The following IER5 variants were observed in gnomAD, a reference collection of about 807,000 sequenced individuals.
The protein encoded by IER5 is immediate early response gene 5 protein.
A neutral mutation model predicts 8.2 loss-of-function variants in IER5; 3 were observed. The ratio of observed to expected loss-of-function variants is 0.36; its 90% CI spans 0.17 to 0.94. IER5 has a LOEUF of 0.94. IER5 is among the 40% of genes least tolerant of loss of function. The pLI is 0.43. For synonymous variants in IER5, 286 were observed against 230.1 expected (o/e 1.24, Z -2.20); for missense variants, 531 against 494.3 (o/e 1.07, Z -0.70).
In IER5 at chr1:181,090,115, A is replaced by G. The variant is rs1428489173; in HGVS notation, c.*229A>G. Reference sequence around the variant, plus strand: ...CGATCGTTAACTTTTGTGTTTGTGTATGTCTGTGTATGTAAGTTTGTCTTG... The same window carrying G: ...CGATCGTTAACTTTTGTGTTTGTGTGTGTCTGTGTATGTAAGTTTGTCTTG... On this transcript the variant is annotated 3_prime_UTR_variant, in exon 1 of 1. Transcript: ENST00000367577. The G allele has an allele frequency of 3.3e-6, 2 of 603,794 alleles. No homozygotes were observed. The highest frequency in any genetic ancestry group is 5.7e-5 in the East Asian group (2 of 34,992). The allele number at this position is 603,794 out of a possible 1,614,324, so 37.4% of individuals were successfully genotyped here. A position where few individuals can be genotyped will look rare whatever the true frequency, so the allele number is the denominator to read the frequency against.
Position 181,089,029 on chromosome 1 carries a change from G to C in IER5, c.127G>C (p.Ala43Pro). Reference protein sequence around the residue: ...NLLVSLVLRSARQVYLSDPCP... With the variant: ...NLLVSLVLRSPRQVYLSDPCP... ...CCTGGTCTCGCTGGTGCTGCGCAGC[G>C]CCCGCCAAGTCTACCTGAGCGACCC... The change falls in exon 1 of 1, where the codon GCC (alanine) becomes CCC (proline). Residue 43 changes from alanine (A) to proline (P), a missense_variant. By Grantham distance (27) the Ala-to-Pro change is conservative (BLOSUM62 -1). Transcript: ENST00000367577. The C allele has an allele frequency of 1.2e-6, 2 of 1,607,482 alleles. No individual in the cohort carries two copies. Among genetic ancestry groups the C allele is most frequent in the East Asian group, 2.3e-5 (1 of 44,124 alleles).
Position 181,090,287 on chromosome 1 carries a change from C to T in IER5, c.*401C>T, listed in dbSNP as rs1235184259. 1 of 235,332 alleles carries T rather than the reference C, an allele frequency of 4.2e-6. No homozygotes were observed. The highest frequency in any genetic ancestry group is 9.1e-6 in the Non-Finnish European group (1 of 110,174). 14.6% of individuals were successfully genotyped at this position (235,332 alleles called of 1,614,324 possible). ...TGGGCCGGGGAGTTCCCCATTCGTT[C>T]TCCGGGGAGGGAGGGACTTTACACC... On this transcript the variant is annotated 3_prime_UTR_variant, in exon 1 of 1. Transcript: ENST00000367577.
rs6425663 is a variant in IER5, at chr1:181,088,738, T to G, written c.-165T>G. On this transcript the variant is annotated 5_prime_UTR_variant, in exon 1 of 1. Transcript: ENST00000367577. ...ACCCGAAACGGGGAAGTTGTCTTGT[T>G]TGGAGAGGTTAGTAGAGCAGCGCGC... is the stretch of plus-strand genomic sequence containing the variant. The G allele has an allele frequency of 0.64, 361,530 of 561,758 alleles. 121,542 individuals are homozygous for G. The highest frequency in any genetic ancestry group is 0.9 in the East Asian group (22,392 of 24,802). The allele number at this position is 561,758 out of a possible 1,614,324, so 34.8% of individuals were successfully genotyped here.
In IER5 at chr1:181,089,413, G is replaced by T. The variant is rs1659411441; in HGVS notation, c.511G>T (p.Ala171Ser). The T allele has an allele frequency of 7.1e-7, 1 of 1,415,966 alleles. No homozygotes were observed. The highest frequency in any genetic ancestry group is 9.2e-7 in the Non-Finnish European group (1 of 1,082,914). 87.7% of individuals were successfully genotyped at this position (1,415,966 alleles called of 1,614,324 possible). A position where few individuals can be genotyped will look rare whatever the true frequency, so the allele number is the denominator to read the frequency against. The part of the protein sequence containing the change: ...GWGVFPEVSR[A>S]ARRPCGCPLG... ...GGGCGTCTTCCCCGAGGTATCTCGT[G>T]CCGCGCGCCGCCCCTGCGGCTGCCC... is the stretch of plus-strand genomic sequence containing the variant. The change falls in exon 1 of 1, where the codon GCC becomes TCC. Residue 171 changes from alanine (A) to serine (S), a missense_variant. Coordinates refer to ENST00000367577, the MANE Select transcript of IER5 (RefSeq NM_016545.5).
rs1361892850 is a variant in IER5 at position 181,089,309 on chromosome 1, C to G, written c.407C>G (p.Ala136Gly). 3.3e-5 allele frequency: 51 copies of G among 1,551,300 alleles called. No homozygotes were observed. The highest frequency in any genetic ancestry group is 4.3e-5 in the Non-Finnish European group (49 of 1,151,738). Residue 136 changes from alanine to glycine, a missense_variant, in exon 1 of 1, where the codon GCG becomes GGG. Coordinates refer to ENST00000367577, the MANE Select transcript of IER5 (RefSeq NM_016545.5). ...GTTTTTCAGGGCGGAGAGGCGGACG[C>G]GACGGAAGCTGCCTGGAGCCGCGTG... ...GDVFQGGEADATEAAWSRVEG... is the reference protein window; with the variant it reads ...GDVFQGGEADGTEAAWSRVEG...
At position 181,090,031 on chromosome 1, in the gene IER5, C is replaced by T; in HGVS notation, c.*145C>T. The T allele has an allele frequency of 9.9e-7, 1 of 1,006,066 alleles. No homozygotes were observed. Among genetic ancestry groups the T allele is most frequent in the South Asian group, 1.6e-5 (1 of 64,110 alleles). The allele number at this position is 1,006,066 out of a possible 1,614,324, so 62.3% of individuals were successfully genotyped here. ...GGTTGCCTCTGGGCATCGCAAACTGCCCCCGGGCGCATCTGGCTTATCTGG... is the reference window on the plus strand; with the variant it reads ...GGTTGCCTCTGGGCATCGCAAACTGTCCCCGGGCGCATCTGGCTTATCTGG... On this transcript the variant is annotated 3_prime_UTR_variant, in exon 1 of 1. Coordinates refer to ENST00000367577, the MANE Select transcript of IER5 (RefSeq NM_016545.5).
chr1:181,089,613 C>G lies in IER5; in HGVS notation c.711C>G (p.Thr237=), dbSNP rs1343747087. The G allele has an allele frequency of 6.2e-7, 1 of 1,610,658 alleles. No individual in the cohort carries two copies. The highest frequency in any genetic ancestry group is 8.5e-7 in the Non-Finnish European group (1 of 1,179,262). ...CGGGCTGCCCGGCGCCCGGCTCGACCCCGCTCAAGAAGCCCCGCCGGAACT... is the reference window on the plus strand; with the variant it reads ...CGGGCTGCCCGGCGCCCGGCTCGACGCCGCTCAAGAAGCCCCGCCGGAACT... ...GPAGCPAPGS[T]PLKKPRRNLE... Residue 237 remains threonine (T), a synonymous_variant, in exon 1 of 1, where the codon ACC becomes ACG. Transcript: ENST00000367577.
At position 181,089,985 on chromosome 1, in the gene IER5, G is replaced by A; in HGVS notation, c.*99G>A. On this transcript the variant is annotated 3_prime_UTR_variant, in exon 1 of 1. Coordinates refer to ENST00000367577, the MANE Select transcript of IER5 (RefSeq NM_016545.5). ...GCGAGGACGCCCAGAGACCGCGGGC[G>A]CTGAGCGCGTTGGGCAGACTGGTTG... The A allele has an allele frequency of 6.8e-7, 1 of 1,478,890 alleles. No homozygotes were observed. The highest frequency in any genetic ancestry group is 9.1e-7 in the Non-Finnish European group (1 of 1,099,204). The allele number at this position is 1,478,890 out of a possible 1,614,324, so 91.6% of individuals were successfully genotyped here. A position where few individuals can be genotyped will look rare whatever the true frequency, so the allele number is the denominator to read the frequency against.
At position 181,091,690 on chromosome 1, in the gene IER5, G is replaced by A. The variant is rs1477126448; in HGVS notation, c.*1804G>A. On this transcript the variant is annotated 3_prime_UTR_variant, in exon 1 of 1. Transcript: ENST00000367577. ...TCAGAAGCAAATCAATTAGGGAATGGTGTTTATTAAAATACGGTACAGTTG... is the reference window on the plus strand; with the variant it reads ...TCAGAAGCAAATCAATTAGGGAATGATGTTTATTAAAATACGGTACAGTTG... 6.6e-6 allele frequency: 1 copy of A among 152,214 alleles called. No homozygotes were observed. Among genetic ancestry groups the A allele is most frequent in the Non-Finnish European group, 1.5e-5 (1 of 68,032 alleles). 9.4% of individuals were successfully genotyped at this position (152,214 alleles called of 1,614,324 possible). A position where few individuals can be genotyped will look rare whatever the true frequency, so the allele number is the denominator to read the frequency against.
In IER5 at chr1:181,090,000, C is replaced by T. The variant is rs777629689; in HGVS notation, c.*114C>T. On this transcript the variant is annotated 3_prime_UTR_variant, in exon 1 of 1. Coordinates refer to ENST00000367577, the MANE Select transcript of IER5 (RefSeq NM_016545.5). Reference sequence around the variant, plus strand: ...GACCGCGGGCGCTGAGCGCGTTGGGCAGACTGGTTGCCTCTGGGCATCGCA... The same window carrying T: ...GACCGCGGGCGCTGAGCGCGTTGGGTAGACTGGTTGCCTCTGGGCATCGCA... 5 of 1,389,910 alleles carry T rather than the reference C, an allele frequency of 3.6e-6. No individual in the cohort carries two copies. Among genetic ancestry groups the T allele is most frequent in the Admixed American group, 2.6e-5 (1 of 38,154 alleles). 86.1% of individuals were successfully genotyped at this position (1,389,910 alleles called of 1,614,324 possible).
Position 181,090,615 on chromosome 1 carries a change from G to GT in IER5, c.*730dup, listed in dbSNP as rs1659455544. ...TATTTTTAAAAGCTCTAGGTCAGAA[G>GT]TACTACACAGTGCTTTTAAAAAGTG... On this transcript the variant is annotated 3_prime_UTR_variant, in exon 1 of 1. Coordinates refer to ENST00000367577, the MANE Select transcript of IER5 (RefSeq NM_016545.5). 6.0e-6 allele frequency: 1 copy of GT among 167,074 alleles called. No homozygotes were observed. The highest frequency in any genetic ancestry group is 1.5e-5 in the Non-Finnish European group (1 of 68,120). 10.3% of individuals were successfully genotyped at this position (167,074 alleles called of 1,614,324 possible).
Position 181,089,359 on chromosome 1 carries a change from A to G in IER5, c.457A>G (p.Arg153Gly), listed in dbSNP as rs1221707914. The G allele has an allele frequency of 6.0e-6, 9 of 1,509,978 alleles. No homozygotes were observed. The highest frequency in any genetic ancestry group is 2.8e-5 in the East Asian group (1 of 36,352). 93.5% of individuals were successfully genotyped at this position (1,509,978 alleles called of 1,614,324 possible). The change falls in exon 1 of 1, where the codon AGA becomes GGA. Residue 153 changes from arginine (R) to glycine (G), a missense_variant. Physicochemically the swap from Arg to Gly is moderately radical, Grantham distance 125. Coordinates refer to ENST00000367577, the MANE Select transcript of IER5 (RefSeq NM_016545.5). ...GGAGGGGCCGCGCCAGGCGGCGGCC[A>G]GAGAAGCCGAGGGTACCGCCGGAGG... The part of the protein sequence containing the change: ...RVEGPRQAAA[R>G]EAEGTAGGWG...
Position 181,089,444 on chromosome 1 carries a change from GC to G in IER5, c.543del (p.Glu183ArgfsTer64). ...CGCCGCCCCTGCGGCTGCCCCCTAG[GC>G]GGGGAGGACCCGCCGGGTACACCGG... Reference protein sequence around the residue: ...AARRPCGCPLGGEDPPGTPAA... With the variant: ...AARRPCGCPLXGEDPPGTPAA... On this transcript the variant is annotated frameshift_variant, in exon 1 of 1. Transcript: ENST00000367577. LOFTEE classifies it high-confidence loss of function. 1 of 1,379,556 alleles carries G rather than the reference GC, an allele frequency of 7.2e-7. No homozygotes were observed. The highest frequency in any genetic ancestry group is 9.4e-7 in the Non-Finnish European group (1 of 1,066,742). The allele number at this position is 1,379,556 out of a possible 1,614,324, so 85.5% of individuals were successfully genotyped here.
Position 181,090,711 on chromosome 1 carries a change from G to T in IER5, c.*825G>T. On this transcript the variant is annotated 3_prime_UTR_variant, in exon 1 of 1. Coordinates refer to ENST00000367577, the MANE Select transcript of IER5 (RefSeq NM_016545.5). The stretch of plus-strand genomic sequence containing the variant: ...TGGTTTTGTAGATATGGTGACTCCA[G>T]TCTTTGTTGTATAAAGGTTGGGGGA... The T allele has an allele frequency of 6.0e-6, 1 of 167,202 alleles. No homozygotes were observed. Among genetic ancestry groups the T allele is most frequent in the South Asian group, 2.1e-4 (1 of 4,830 alleles). The allele number at this position is 167,202 out of a possible 1,614,324, so 10.4% of individuals were successfully genotyped here. A position where few individuals can be genotyped will look rare whatever the true frequency, so the allele number is the denominator to read the frequency against.
chr1:181,090,039 C>G lies in IER5; in HGVS notation c.*153C>G. The G allele has an allele frequency of 1.1e-6, 1 of 919,616 alleles. No individual in the cohort carries two copies. Among genetic ancestry groups the G allele is most frequent in the African/African-American group, 1.7e-5 (1 of 59,216 alleles). The allele number at this position is 919,616 out of a possible 1,614,324, so 57.0% of individuals were successfully genotyped here. ...CTGGGCATCGCAAACTGCCCCCGGG[C>G]GCATCTGGCTTATCTGGAGACCTGG... On this transcript the variant is annotated 3_prime_UTR_variant, in exon 1 of 1. Transcript: ENST00000367577.
chr1:181,092,115 A>G lies in IER5; in HGVS notation c.*2229A>G, dbSNP rs1460010353. ...ATCAAGTGCTGACTGCTTAAACTGAAGAAGGTGTCCAGGGCCTTAATTCTG... is the reference window on the plus strand; with the variant it reads ...ATCAAGTGCTGACTGCTTAAACTGAGGAAGGTGTCCAGGGCCTTAATTCTG... On this transcript the variant is annotated 3_prime_UTR_variant, in exon 1 of 1. Coordinates refer to ENST00000367577, the MANE Select transcript of IER5 (RefSeq NM_016545.5). The G allele has an allele frequency of 6.6e-6, 1 of 152,196 alleles. No individual in the cohort carries two copies. The highest frequency in any genetic ancestry group is 1.5e-5 in the Non-Finnish European group (1 of 68,042). The allele number at this position is 152,196 out of a possible 1,614,324, so 9.4% of individuals were successfully genotyped here.
chr1:181,089,303 C>G lies in IER5; in HGVS notation c.401C>G (p.Ala134Gly). Residue 134 changes from alanine (A) to glycine (G), a missense_variant, in exon 1 of 1, where the codon GCG becomes GGG. By Grantham distance (60) the Ala-to-Gly change is moderately conservative. Transcript: ENST00000367577. The stretch of plus-strand genomic sequence containing the variant: ...GGGGACGTTTTTCAGGGCGGAGAGG[C>G]GGACGCGACGGAAGCTGCCTGGAGC... ...GVGDVFQGGE[A>G]DATEAAWSRV... is the part of the protein sequence containing the mutation. 6.4e-7 allele frequency: 1 copy of G among 1,552,240 alleles called. No homozygotes were observed. Among genetic ancestry groups the G allele is most frequent in the Non-Finnish European group, 8.7e-7 (1 of 1,152,020 alleles).
At position 181,091,647 on chromosome 1, in the gene IER5, G is replaced by A. The variant is rs191155351; in HGVS notation, c.*1761G>A. 4 of 152,296 alleles carry A rather than the reference G, an allele frequency of 2.6e-5. No homozygotes were observed. Among genetic ancestry groups the A allele is most frequent in the Admixed American group, 6.5e-5 (1 of 15,294 alleles). 9.4% of individuals were successfully genotyped at this position (152,296 alleles called of 1,614,324 possible). ...GTCTCTTCATGTTCAATGTTTGAAAGGTATTCAGTAATCTATTTCAGAAGC... is the reference window on the plus strand; with the variant it reads ...GTCTCTTCATGTTCAATGTTTGAAAAGTATTCAGTAATCTATTTCAGAAGC... On this transcript the variant is annotated 3_prime_UTR_variant, in exon 1 of 1. Transcript: ENST00000367577.
In IER5 at chr1:181,088,981, G is replaced by A; in HGVS notation, c.79G>A (p.Gly27Ser). 1 of 1,613,712 alleles carries A rather than the reference G, an allele frequency of 6.2e-7. No individual in the cohort carries two copies. Among genetic ancestry groups the A allele is most frequent in the Non-Finnish European group, 8.5e-7 (1 of 1,179,918 alleles). The change falls in exon 1 of 1, where the codon GGC (glycine) becomes AGC (serine). Residue 27 changes from glycine to serine, a missense_variant. By Grantham distance (56) the Gly-to-Ser change is moderately conservative. Coordinates refer to ENST00000367577, the MANE Select transcript of IER5 (RefSeq NM_016545.5). The stretch of plus-strand genomic sequence containing the variant: ...CTACAACTCGCGGGTCCAGCGCGGC[G>A]GCATCAAGCTGCATAAGAACCTCCT... ...KIYNSRVQRG[G>S]IKLHKNLLVS...
Sources: allele counts gnomAD v4.1 joint callset, GRCh38; gene constraint gnomAD v4.1.1; transcripts MANE v1.5; gene names NCBI Gene and HGNC (gene_info 2026-07-23, HGNC 2026-07-21).